Variants in MAMLD1 observed in about 807,000 individuals in gnomAD.
MAMLD1 encodes the protein mastermind-like domain-containing protein 1.
A neutral mutation model predicts 45.0 loss-of-function variants in MAMLD1; 14 were observed. That is an observed-to-expected ratio of 0.31 (90% CI 0.21 to 0.49). The LOEUF is 0.49. MAMLD1 is among the 20% of genes least tolerant of loss of function. MAMLD1 has a pLI of 0.99. For missense variants in MAMLD1, 543 were observed against 603.6 expected (o/e 0.90, Z 1.05); for synonymous variants, 254 against 247.8 (o/e 1.02, Z -0.24).
chrX:150,365,529 C>T (rs907530390), intron 1 of MAMLD1, among the ~76,000 whole-genome samples: 24 of 113,241 alleles, frequency 2.1e-4, no homozygotes, highest in Non-Finnish European at 4.3e-4. Context: ...GGCGCCCTTT[C>T]CTTGGTTTCG....
intron 1 of MAMLD1, among the ~76,000 whole-genome samples, chrX:150,365,546 A>C (rs1176452035): frequency 1.8e-5 from 2 of 113,038 alleles, no homozygotes; most frequent in Non-Finnish European, 3.8e-5. Context: ...TTCGCTTTGC[A>C]GCGGGCGCCC....
chrX:150,420,749 CG>C (rs1485590013), intron 1 of MAMLD1, among the ~76,000 whole-genome samples: 70 of 112,497 alleles, frequency 6.2e-4, no homozygotes, highest in Non-Finnish European at 1.2e-3. Flanking sequence ...TTAGGCTGCT[CG>C]GGGGTCAGGG....
At chrX:150,469,627 TTCTCTC>T in intron 3 of MAMLD1, 112 bp from the exon 4 acceptor site, 2 of 522,335 alleles carry the variant, frequency 3.8e-6, no homozygotes, top group South Asian at 6.3e-5. Context: ...CTCTCTCTCT[TTCTCTC>T]TGTCTCTCTC....
At chrX:150,376,949 A>G (rs1210278413) in intron 1 of MAMLD1, among the ~76,000 whole-genome samples, 2 of 111,603 alleles carry the variant, frequency 1.8e-5, no homozygotes, top group Non-Finnish European at 3.8e-5. Context: ...CTTGTCTAAA[A>G]GAAGCTTTTA....
At chrX:150,483,545 G>A (rs1308076963) in intron 5 of MAMLD1, among the ~76,000 whole-genome samples, 1 of 112,632 alleles carries the variant, frequency 8.9e-6, no homozygotes, top group African/African-American at 3.2e-5. Context: ...CTTGGAGGCC[G>A]ATGAACCCAT....
chrX:150,391,487 A>G (rs1462212145), intron 1 of MAMLD1, among the ~76,000 whole-genome samples: 1 of 111,666 alleles, frequency 9.0e-6, no homozygotes, highest in African/African-American at 3.3e-5. Flanking sequence ...TACACTACTA[A>G]TTAACCCATC....
chrX:150,502,193 A>G (rs2037576107), intron 5 of MAMLD1, among the ~76,000 whole-genome samples: 1 of 113,050 alleles, frequency 8.8e-6, no homozygotes. Flanking sequence ...CTTGCCCACA[A>G]TAGGTGCTTA....
At position 150,471,262 on chromosome X, in the gene MAMLD1, C is replaced by G; in HGVS notation, c.1689C>G (p.Thr563=). Residue 563 remains threonine, a synonymous_variant, in exon 4 of 8, where the codon ACC becomes ACG. Transcript: ENST00000370401. ...GPQKMPSMPT[T]SRQPSLLHYL... ...AGAAGATGCCCTCCATGCCTACCAC[C>G]TCTAGGCAGCCTTCCCTGCTCCACT... The G allele has an allele frequency of 3.3e-6, 4 of 1,211,650 alleles. No individual in the cohort carries two copies. Among genetic ancestry groups the G allele is most frequent in the Non-Finnish European group, 4.5e-6 (4 of 895,384 alleles).
At chrX:150,456,649 A>G (rs2035876641) in intron 2 of MAMLD1, among the ~76,000 whole-genome samples, 1 of 112,336 alleles carries the variant, frequency 8.9e-6, no homozygotes, top group African/African-American at 3.2e-5. Context: ...ATAAAAATAC[A>G]GAACCAACCT....
Position 150,469,655 on chromosome X carries a change from C to CTG in MAMLD1, c.172-60_172-59dup, listed in dbSNP as rs1557406186. The CTG allele has an allele frequency of 2.8e-3, 1,122 of 400,836 alleles. 7 individuals are homozygous for CTG. The highest frequency in any genetic ancestry group is 8.6e-3 in the African/African-American group (269 of 31,134). The allele number at this position is 400,836 out of a possible 1,213,427, so 33.0% of individuals were successfully genotyped here. A position where few individuals can be genotyped will look rare whatever the true frequency, so the allele number is the denominator to read the frequency against. On this transcript the variant is annotated intron_variant, in intron 3 of 7. Transcript: ENST00000370401. Reference sequence around the variant, plus strand: ...TCTCTGTCTCTCTCTCTCTCTCTCTCTGTGTGTGTGTGTGTGTGTGTGTGT... The same window carrying CTG: ...TCTCTGTCTCTCTCTCTCTCTCTCTCTGTGTGTGTGTGTGTGTGTGTGTGTGT...
At chrX:150,423,995 A>G (rs1358211106) in intron 1 of MAMLD1, among the ~76,000 whole-genome samples, 1 of 112,610 alleles carries the variant, frequency 8.9e-6, no homozygotes, top group African/African-American at 3.2e-5. Context: ...TTCTGCAGTC[A>G]ATCATGTGAC....
intron 5 of MAMLD1, among the ~76,000 whole-genome samples, chrX:150,483,569 G>A (rs1387996910): frequency 8.9e-6 from 1 of 112,567 alleles, no homozygotes. Context: ...CTTGCACTGG[G>A]CAGAAAGGAG....
chrX:150,431,305 G>T (rs1185380448), intron 1 of MAMLD1, among the ~76,000 whole-genome samples: 1 of 111,140 alleles, frequency 9.0e-6, no homozygotes, highest in Non-Finnish European at 1.9e-5. Context: ...CTGAACTCAT[G>T]TATGAGTTCT....
At chrX:150,379,258 C>T (rs1022969817) in intron 1 of MAMLD1, among the ~76,000 whole-genome samples, 5 of 111,775 alleles carry the variant, frequency 4.5e-5, no homozygotes, top group African/African-American at 1.6e-4. Context: ...TGAGAAATCT[C>T]TCTGCCATTA....
intron 1 of MAMLD1, among the ~76,000 whole-genome samples, chrX:150,427,394 A>G (rs1368867365): frequency 1.8e-5 from 2 of 112,364 alleles, no homozygotes; most frequent in Non-Finnish European, 3.8e-5. Context: ...TGAAAGCAGG[A>G]GTTCTTTTGG....
intron 5 of MAMLD1, among the ~76,000 whole-genome samples, chrX:150,483,446 T>A (rs1287289153): frequency 8.9e-6 from 1 of 112,889 alleles, no homozygotes. Context: ...GAATGAGCTG[T>A]ATCTGCTAGC....
At chrX:150,510,518 T>C (rs1243558924) in intron 7 of MAMLD1, among the ~76,000 whole-genome samples, 1 of 111,127 alleles carries the variant, frequency 9.0e-6, no homozygotes, top group African/African-American at 3.3e-5. Flanking sequence ...TGTCAGGGGC[T>C]CCCAGAGCCT....
chrX:150,398,365 G>A (rs1391833862), intron 1 of MAMLD1, among the ~76,000 whole-genome samples: 1 of 109,003 alleles, frequency 9.2e-6, no homozygotes, highest in Non-Finnish European at 1.9e-5. Context: ...GGAAGAGGAA[G>A]AGGAAGAGGA....
At chrX:150,382,745 A>C (rs958637019) in intron 1 of MAMLD1, among the ~76,000 whole-genome samples, 3 of 111,192 alleles carry the variant, frequency 2.7e-5, no homozygotes, top group Non-Finnish European at 5.7e-5. Context: ...AATATTTTCA[A>C]GGGAAATACA....
Sources: gnomAD v4.1 joint callset for allele counts (sites outside exome capture counted in the v4.1 genomes callset) on GRCh38, gnomAD v4.1.1 for gene constraint, MANE v1.5 for transcripts, NCBI Gene and HGNC (gene_info 2026-07-23, HGNC 2026-07-21) for gene names.